Variants in PCDHGA12 observed in about 807,000 individuals in gnomAD.
PCDHGA12 encodes the protein protocadherin gamma subfamily A, 12, also known as protocadherin gamma-A12.
Under a neutral mutation model 61.1 loss-of-function variants are expected in PCDHGA12, and 43 were observed. That is an observed-to-expected ratio of 0.70 (90% CI 0.55 to 0.91). The LOEUF (loss-of-function observed/expected upper bound fraction) is 0.91, where lower values mean the gene tolerates loss of function less well. Among genes scored for constraint, PCDHGA12 ranks in the 40% least tolerant of loss-of-function variants. The pLI, the probability that PCDHGA12 is intolerant of heterozygous loss-of-function variation, is 0.00. For missense variants in PCDHGA12, 1,236 were observed against 1,227.7 expected, an observed-to-expected ratio of 1.01 and a Z score of -0.10; for synonymous variants, 520 against 542.9, an observed-to-expected ratio of 0.96 and a Z score of 0.59.
chr5:141,477,007 A>C lies in PCDHGA12; in HGVS notation c.2425-17800A>C, dbSNP rs891158982. The C allele has an allele frequency of 1.9e-6, 3 of 1,614,258 alleles. No individual in the cohort carries two copies. The Admixed American group carries it at 5.0e-5, about 27-fold the overall frequency. ...CCGGCGTGCGGCAACTATTCGCCTT[A>C]GACCTTGTAACCGGGATGCTGACAA... On this transcript the variant is annotated intron_variant, in intron 1 of 3. Coordinates refer to ENST00000252085, the MANE Select transcript of PCDHGA12 (RefSeq NM_003735.3). This position sits in a 1 kb window ranked among gnomAD's most constrained non-coding sequence, Gnocchi z 4.9.
Position 141,486,534 on chromosome 5 carries a change from C to G in PCDHGA12, c.2425-8273C>G. The stretch of plus-strand genomic sequence containing the variant: ...TCAGATGTGAATGATAATCCACCCT[C>G]TTTCTTTCAGAGGTCACATGAGGTG... On this transcript the variant is annotated intron_variant, in intron 1 of 3. Transcript: ENST00000252085. The surrounding 1 kb of genome is among the most constrained non-coding windows in gnomAD (Gnocchi z 5.0). 1 of 1,614,176 alleles carries G rather than the reference C, an allele frequency of 6.2e-7. No individual in the cohort carries two copies. Among genetic ancestry groups the G allele is most frequent in the Non-Finnish European group, 8.5e-7 (1 of 1,180,030 alleles).
intron 1 of PCDHGA12, among the ~76,000 whole-genome samples, chr5:141,463,706 A>T (rs568865377): frequency 2.9e-3 from 440 of 152,024 alleles, no homozygotes; most frequent in Non-Finnish European, 4.6e-3. Context: ...TCGGCCTCCA[A>T]AAGTGCTGGG....
At chr5:141,464,251 C>G (rs1438610569) in intron 1 of PCDHGA12, among the ~76,000 whole-genome samples, 1 of 141,396 alleles carries the variant, frequency 7.1e-6, no homozygotes, top group African/African-American at 2.7e-5. Context: ...GGCTACAGAG[C>G]GAGACTCCGT....
Position 141,450,950 on chromosome 5 carries a change from A to G in PCDHGA12, c.2424+17767A>G, listed in dbSNP as rs1176916120. ...AGCAATTCTCCTACCTCAGCCTCCCAAGTAGCTGGGATTACAGGCATGTGC... is the reference window on the plus strand; with the variant it reads ...AGCAATTCTCCTACCTCAGCCTCCCGAGTAGCTGGGATTACAGGCATGTGC... On this transcript the variant is annotated intron_variant, in intron 1 of 3. Coordinates refer to ENST00000252085, the MANE Select transcript of PCDHGA12 (RefSeq NM_003735.3). Among the ~76,000 whole-genome samples, 9 of 150,714 alleles carry G rather than the reference A, an allele frequency of 6.0e-5. No individual in the cohort carries two copies. In the East Asian group the frequency reaches 1.6e-3, roughly 26 times the overall value.
rs143767010 is a variant in PCDHGA12 at position 141,460,190 on chromosome 5, A to G, written c.2424+27007A>G. 3.2e-3 allele frequency among the ~76,000 whole-genome samples: 486 copies of G among 152,218 alleles called. 1 individual carries two copies. Among genetic ancestry groups the G allele is most frequent in the Non-Finnish European group, 4.9e-3 (336 of 68,006 alleles). ...TTTTGTGGATATTTTATCCCAGACTATGACTTGTCTTTTCATTTTCTTAGT... is the reference window on the plus strand; with the variant it reads ...TTTTGTGGATATTTTATCCCAGACTGTGACTTGTCTTTTCATTTTCTTAGT... On this transcript the variant is annotated intron_variant, in intron 1 of 3. Coordinates refer to ENST00000252085, the MANE Select transcript of PCDHGA12 (RefSeq NM_003735.3).
intron 1 of PCDHGA12, chr5:141,478,242 T>C (rs750487479): frequency 6.2e-7 from 1 of 1,614,156 alleles, no homozygotes; most frequent in Admixed American, 1.7e-5. Context: ...GTGGTCACAG[T>C]GTTCGGAGTA....
chr5:141,498,065 G>C (rs1197771947), intron 2 of PCDHGA12, among the ~76,000 whole-genome samples: 1 of 152,220 alleles, frequency 6.6e-6, no homozygotes, highest in Non-Finnish European at 1.5e-5. Context: ...GACTGAAACT[G>C]TCATAAGTGC....
intron 1 of PCDHGA12, among the ~76,000 whole-genome samples, chr5:141,470,360 T>G (rs1554150725): frequency 6.6e-6 from 1 of 152,142 alleles, no homozygotes; most frequent in Non-Finnish European, 1.5e-5. Context: ...ATAGACACAT[T>G]AGGTTGAATG....
In PCDHGA12 at chr5:141,486,981, A is replaced by G. The variant is rs1457098151; in HGVS notation, c.2425-7826A>G. Reference sequence around the variant, plus strand: ...GCTGTGGACTTGGATTCAGGTTACAATGCTTGGGTTTCCTATCAGCTCCTG... The same window carrying G: ...GCTGTGGACTTGGATTCAGGTTACAGTGCTTGGGTTTCCTATCAGCTCCTG... On this transcript the variant is annotated intron_variant, in intron 1 of 3. Coordinates refer to ENST00000252085, the MANE Select transcript of PCDHGA12 (RefSeq NM_003735.3). The surrounding 1 kb of genome is among the most constrained non-coding windows in gnomAD (Gnocchi z 5.0). 17 of 1,614,038 alleles carry G rather than the reference A, an allele frequency of 1.1e-5. No individual in the cohort carries two copies. The highest frequency in any genetic ancestry group is 4.0e-5 in the African/African-American group (3 of 74,922).
intron 1 of PCDHGA12, among the ~76,000 whole-genome samples, chr5:141,446,338 G>T (rs964323259): frequency 6.6e-6 from 1 of 152,128 alleles, no homozygotes; most frequent in African/African-American, 2.4e-5. Flanking sequence ...GGAACTGGAT[G>T]GACAAAGCTA....
In PCDHGA12 at chr5:141,489,750, C is replaced by T. The variant is rs753217170; in HGVS notation, c.2425-5057C>T. On this transcript the variant is annotated intron_variant, in intron 1 of 3. Coordinates refer to ENST00000252085, the MANE Select transcript of PCDHGA12 (RefSeq NM_003735.3). The surrounding 1 kb of genome is among the most constrained non-coding windows in gnomAD (Gnocchi z 4.5). ...TGGGCACCAATACTGTGAGCTTTTA[C>T]ACTCTAAGCCCCAACAGCCACTTCT... 1.2e-6 allele frequency: 2 copies of T among 1,614,098 alleles called. No homozygotes were observed. Among genetic ancestry groups the T allele is most frequent in the Admixed American group, 3.3e-5 (2 of 60,022 alleles).
chr5:141,499,677 T>C (rs2099793326), intron 2 of PCDHGA12, among the ~76,000 whole-genome samples: 1 of 151,690 alleles, frequency 6.6e-6, no homozygotes, highest in African/African-American at 2.4e-5. Flanking sequence ...CTCCACCATC[T>C]TTAACAGATG....
chr5:141,432,992 G>A lies in PCDHGA12; in HGVS notation c.2233G>A (p.Gly745Arg), dbSNP rs777975384. Residue 745 changes from glycine to arginine, a missense_variant, in exon 1 of 4, where the codon GGG becomes AGG. By Grantham distance (125) the Gly-to-Arg change is moderately radical (BLOSUM62 -2). Coordinates refer to ENST00000252085, the MANE Select transcript of PCDHGA12 (RefSeq NM_003735.3). The surrounding 1 kb of genome is among the most constrained non-coding windows in gnomAD (Gnocchi z 6.0). The stretch of plus-strand genomic sequence containing the variant: ...GGCGTCGCACTTTGTGGGCGTGGAC[G>A]GGGTGCAGGCTTTCCTGCAGACCTA... ...APASHFVGVD[G>R]VQAFLQTYSH... 1.9e-6 allele frequency: 3 copies of A among 1,614,174 alleles called. No homozygotes were observed. In the Admixed American group the frequency reaches 5.0e-5, roughly 27 times the overall value.
chr5:141,437,037 A>G (rs1410732155), intron 1 of PCDHGA12, among the ~76,000 whole-genome samples: 2 of 152,264 alleles, frequency 1.3e-5, no homozygotes, highest in Admixed American at 1.3e-4. Flanking sequence ...TGGATCACCG[A>G]AACCAGAAGG....
intron 1 of PCDHGA12, 126 bp downstream of exon 1, chr5:141,433,309 T>C: frequency 1.1e-6 from 1 of 901,134 alleles, no homozygotes; most frequent in Admixed American, 2.7e-5. Context: ...TTATCCCACC[T>C]TTGCCTCCGG....
At chr5:141,464,861 C>G (rs1178430383) in intron 1 of PCDHGA12, among the ~76,000 whole-genome samples, 1 of 152,134 alleles carries the variant, frequency 6.6e-6, no homozygotes, top group Non-Finnish European at 1.5e-5. Flanking sequence ...ACCTTAGCCT[C>G]CCAAGTAGCT....
chr5:141,432,808 C>T lies in PCDHGA12; in HGVS notation c.2049C>T (p.Asn683=), dbSNP rs1473886709. ...TCGGCAGCCTCGAGTCTCCAGCTAA[C>T]TCTGAAACCTCAGACCTCACTCTGT... ...ADLGSLESPA[N]SETSDLTLYL... is the part of the protein sequence containing the mutation. The change falls in exon 1 of 4, where the codon AAC becomes AAT. Residue 683 remains asparagine, a synonymous_variant. Transcript: ENST00000252085. This position sits in a 1 kb window ranked among gnomAD's most constrained non-coding sequence, Gnocchi z 6.0. 6.2e-7 allele frequency: 1 copy of T among 1,613,486 alleles called. No homozygotes were observed. Among genetic ancestry groups the T allele is most frequent in the African/African-American group, 1.3e-5 (1 of 74,426 alleles).
At chr5:141,478,711 T>G (rs1420376406) in intron 1 of PCDHGA12, 1 of 1,547,346 alleles carries the variant, frequency 6.5e-7, no homozygotes. Context: ...CTTTGTGAGA[T>G]GGTGGCCTGC....
chr5:141,491,381 C>A lies in PCDHGA12; in HGVS notation c.2425-3426C>A. On this transcript the variant is annotated intron_variant, in intron 1 of 3. Transcript: ENST00000252085. This position sits in a 1 kb window ranked among gnomAD's most constrained non-coding sequence, Gnocchi z 6.9. ...CTAGTCACCTTCACCTTTCTGTCAGCGAAGTGCCTTCAGGGAAACGCAGAC... is the reference window on the plus strand; with the variant it reads ...CTAGTCACCTTCACCTTTCTGTCAGAGAAGTGCCTTCAGGGAAACGCAGAC... 2 of 1,614,068 alleles carry A rather than the reference C, an allele frequency of 1.2e-6. No homozygotes were observed. The highest frequency in any genetic ancestry group is 1.7e-6 in the Non-Finnish European group (2 of 1,179,950).
Sources: allele counts gnomAD v4.1 joint callset (sites outside exome capture counted in the v4.1 genomes callset), GRCh38; gene constraint gnomAD v4.1.1; non-coding constraint Gnocchi (gnomAD v3.1); transcripts MANE v1.5; gene names NCBI Gene and HGNC (gene_info 2026-07-23, HGNC 2026-07-21).